Variants in SFMBT1 observed in about 807,000 individuals in gnomAD.
SFMBT1 encodes Scm like with four mbt domains 1, also known as scm-like with four MBT domains protein 1.
SFMBT1 carries 32 observed loss-of-function variants against 108.7 expected under a neutral mutation model. The observed-to-expected ratio is 0.29, with a 90% CI of 0.22 to 0.40. The LOEUF (loss-of-function observed/expected upper bound fraction) is 0.40, where lower values mean the gene tolerates loss of function less well. Among genes scored for constraint, SFMBT1 ranks in the 10% least tolerant of loss-of-function variants. The pLI, the probability that SFMBT1 is intolerant of heterozygous loss-of-function variation, is 1.00. For missense variants in SFMBT1, 816 were observed against 1,059.6 expected, an observed-to-expected ratio of 0.77 and a Z score of 3.19; for synonymous variants, 348 against 369.5, an observed-to-expected ratio of 0.94 and a Z score of 0.67.
intron 1 of SFMBT1, among the ~76,000 whole-genome samples, chr3:52,976,931 G>A (rs1164042197): frequency 6.6e-6 from 1 of 152,186 alleles, no homozygotes; most frequent in Non-Finnish European, 1.5e-5. Flanking sequence ...TTGAAGACAT[G>A]CAGAAATGGA....
chr3:52,975,254 CAT>C (rs1704478935), intron 1 of SFMBT1, among the ~76,000 whole-genome samples: 1 of 152,146 alleles, frequency 6.6e-6, no homozygotes, highest in Non-Finnish European at 1.5e-5. Flanking sequence ...ATAGCATAAG[CAT>C]ACAATGCACC....
chr3:52,930,856 G>A, intron 7 of SFMBT1, 85 bp downstream of exon 7: 1 of 1,073,632 alleles, frequency 9.3e-7, no homozygotes, highest in Non-Finnish European at 1.4e-6. Context: ...CCGACTGCAG[G>A]GGCTGCTTTA....
intron 13 of SFMBT1, among the ~76,000 whole-genome samples, chr3:52,917,693 C>T (rs1702402217): frequency 6.6e-6 from 1 of 152,206 alleles, no homozygotes; most frequent in Non-Finnish European, 1.5e-5. Flanking sequence ...GCATTAGATT[C>T]TCACAGGAGT....
At chr3:52,992,602 G>C (rs939211487) in intron 1 of SFMBT1, among the ~76,000 whole-genome samples, 1 of 152,130 alleles carries the variant, frequency 6.6e-6, no homozygotes, top group Non-Finnish European at 1.5e-5. Flanking sequence ...TTGGTAATCA[G>C]TCTTAATGGA....
At chr3:52,923,558 CAA>C (rs199694774) in intron 10 of SFMBT1, among the ~76,000 whole-genome samples, 36 of 119,458 alleles carry the variant, frequency 3.0e-4, no homozygotes, top group Non-Finnish European at 2.3e-4. Context: ...AAAGCTCCAT[CAA>C]AAAAAAAAAA....
At chr3:53,025,491 C>T (rs777271981) in intron 1 of SFMBT1, among the ~76,000 whole-genome samples, 1 of 152,076 alleles carries the variant, frequency 6.6e-6, no homozygotes, top group Non-Finnish European at 1.5e-5. Context: ...GTGGCACACG[C>T]TTATGGTCCC....
At chr3:52,915,491 A>C (rs1461626991) in intron 14 of SFMBT1, among the ~76,000 whole-genome samples, 1 of 152,232 alleles carries the variant, frequency 6.6e-6, no homozygotes, top group African/African-American at 2.4e-5. Context: ...TCTACTCATA[A>C]GCTGTGTGAT....
intron 9 of SFMBT1, among the ~76,000 whole-genome samples, chr3:52,927,284 T>C (rs532168946): frequency 6.6e-6 from 1 of 152,330 alleles, no homozygotes; most frequent in East Asian, 1.9e-4. Flanking sequence ...ATTGAGCTTG[T>C]CACTCTCCCC....
chr3:52,945,522 C>A (rs1193965274), intron 3 of SFMBT1, among the ~76,000 whole-genome samples: 2 of 151,450 alleles, frequency 1.3e-5, no homozygotes, highest in Non-Finnish European at 3.0e-5. Context: ...ATAAACATTG[C>A]AAGAGCCGGG....
chr3:52,995,567 T>C (rs1162232369), intron 1 of SFMBT1, among the ~76,000 whole-genome samples: 4 of 150,040 alleles, frequency 2.7e-5, no homozygotes, highest in East Asian at 3.9e-4. Context: ...ACTTTGTTTA[T>C]GTTTTGTAGA....
intron 1 of SFMBT1, among the ~76,000 whole-genome samples, chr3:53,026,550 A>G (rs530994506): frequency 6.6e-6 from 1 of 152,132 alleles, no homozygotes; most frequent in East Asian, 1.9e-4. Context: ...TGGAATTCCT[A>G]CCAAGCTGCA....
chr3:52,925,935 G>A, intron 10 of SFMBT1, 96 bp downstream of exon 10: 1 of 1,119,640 alleles, frequency 8.9e-7, no homozygotes, highest in Non-Finnish European at 1.3e-6. Flanking sequence ...GATTAAGTGA[G>A]ATGATTATCT....
chr3:52,968,806 G>C (rs1314543351), intron 2 of SFMBT1, among the ~76,000 whole-genome samples: 2 of 152,028 alleles, frequency 1.3e-5, no homozygotes, highest in Non-Finnish European at 2.9e-5. Flanking sequence ...TGTTAGCCAG[G>C]ATGGTCTCGA....
chr3:53,000,745 A>AT (rs1199675129), intron 1 of SFMBT1, among the ~76,000 whole-genome samples: 2 of 148,028 alleles, frequency 1.4e-5, no homozygotes, highest in African/African-American at 2.6e-5. Context: ...AAACTAAAAC[A>AT]TGCCTAATGC....
intron 1 of SFMBT1, among the ~76,000 whole-genome samples, chr3:53,019,570 A>G (rs1699235803): frequency 1.3e-5 from 2 of 152,120 alleles, no homozygotes; most frequent in Admixed American, 1.3e-4. Flanking sequence ...CTAGTCAAAA[A>G]CTTAGAAACC....
At chr3:52,935,642 CAAT>C (rs919241054) in intron 4 of SFMBT1, among the ~76,000 whole-genome samples, 5 of 152,104 alleles carry the variant, frequency 3.3e-5, no homozygotes, top group African/African-American at 1.2e-4. Flanking sequence ...TACAAAACCA[CAAT>C]AACAACATCA....
intron 1 of SFMBT1, among the ~76,000 whole-genome samples, chr3:52,994,886 T>C (rs995944960): frequency 1.3e-5 from 2 of 149,350 alleles, no homozygotes; most frequent in African/African-American, 4.9e-5. Context: ...TACCTGGTTT[T>C]ATCAAACAAA....
chr3:52,921,863 G>A (rs1434960205), intron 10 of SFMBT1, 32 bp from the exon 11 acceptor site: 3 of 1,610,756 alleles, frequency 1.9e-6, no homozygotes, highest in South Asian at 2.2e-5. Context: ...TCAATTTACT[G>A]GATTAACACA....
At chr3:52,909,967 C>T (rs1702176993) in intron 17 of SFMBT1, among the ~76,000 whole-genome samples, 1 of 152,168 alleles carries the variant, frequency 6.6e-6, no homozygotes, top group Non-Finnish European at 1.5e-5. Context: ...ACTAAGCAAG[C>T]TTCTGCCTCA....
Sources: gnomAD v4.1 joint callset for allele counts (sites outside exome capture counted in the v4.1 genomes callset) on GRCh38, gnomAD v4.1.1 for gene constraint, MANE v1.5 for transcripts, NCBI Gene and HGNC (gene_info 2026-07-23, HGNC 2026-07-21) for gene names.